The following PCDHA2 variants were observed in gnomAD, a reference collection of about 807,000 sequenced individuals.
PCDHA2 encodes the protein protocadherin alpha 2, also known as protocadherin alpha-2.
PCDHA2 carries 58 observed loss-of-function variants against 66.0 expected under a neutral mutation model. The ratio of observed to expected loss-of-function variants is 0.88; its 90% CI spans 0.71 to 1.09. The LOEUF (loss-of-function observed/expected upper bound fraction) is 1.09. Ranked by LOEUF, PCDHA2 falls within the 50% of genes least tolerant of loss-of-function variation. The pLI, the probability that PCDHA2 is intolerant of heterozygous loss-of-function variation, is 0.00. For synonymous variants in PCDHA2, 634 were observed against 554.0 expected (o/e 1.14, Z -2.03); for missense variants, 1,267 against 1,242.3 (o/e 1.02, Z -0.30).
chr5:140,983,924 A>G (rs1554245819), intron 3 of PCDHA2, among the ~76,000 whole-genome samples: 1 of 152,216 alleles, frequency 6.6e-6, no homozygotes, highest in African/African-American at 2.4e-5. Flanking sequence ...AGGATTTGCT[A>G]TTTATGGATG....
chr5:140,950,279 C>G (rs938821559), intron 1 of PCDHA2, among the ~76,000 whole-genome samples: 11 of 151,924 alleles, frequency 7.2e-5, no homozygotes, highest in African/African-American at 2.4e-4. Flanking sequence ...TGTCTTTTTG[C>G]TTCAACCTGA....
chr5:140,994,156 C>T (rs926993777), intron 3 of PCDHA2, among the ~76,000 whole-genome samples: 25 of 152,124 alleles, frequency 1.6e-4, no homozygotes, highest in African/African-American at 4.1e-4. Context: ...GTAGGGTCAA[C>T]GAAGGGGAAG....
At chr5:140,947,439 G>C (rs2094135272) in intron 1 of PCDHA2, among the ~76,000 whole-genome samples, 1 of 151,638 alleles carries the variant, frequency 6.6e-6, no homozygotes, top group African/African-American at 2.4e-5. Flanking sequence ...AAAATCAGCT[G>C]TGAAATCCTC....
chr5:140,826,596 G>T (rs1234934565), intron 1 of PCDHA2, among the ~76,000 whole-genome samples: 1 of 152,084 alleles, frequency 6.6e-6, no homozygotes, highest in Non-Finnish European at 1.5e-5. Context: ...TAACATTAAG[G>T]TTAAATTAAG....
intron 1 of PCDHA2, among the ~76,000 whole-genome samples, chr5:140,942,607 A>G (rs529680459): frequency 1.7e-5 from 2 of 116,438 alleles, no homozygotes; most frequent in East Asian, 2.5e-4. Context: ...TAGTGTTTAT[A>G]TTTGCCAATT....
intron 1 of PCDHA2, chr5:140,884,455 G>A: frequency 2.5e-6 from 4 of 1,613,784 alleles, no homozygotes; most frequent in Non-Finnish European, 3.4e-6. Flanking sequence ...CGCCCACCGA[G>A]GGCGCGTGCG....
At chr5:140,833,422 G>T (rs548825433) in intron 1 of PCDHA2, among the ~76,000 whole-genome samples, 4 of 152,178 alleles carry the variant, frequency 2.6e-5, no homozygotes, top group Admixed American at 2.0e-4. Context: ...CTGTATGTGA[G>T]ATGGCTGAGC....
chr5:140,878,802 A>T (rs2057733011), intron 1 of PCDHA2, among the ~76,000 whole-genome samples: 1 of 152,224 alleles, frequency 6.6e-6, no homozygotes, highest in Non-Finnish European at 1.5e-5. Context: ...TTTTAAAAAC[A>T]TATGGGGGTC....
At chr5:140,836,782 A>G in intron 1 of PCDHA2, 2 of 1,475,536 alleles carry the variant, frequency 1.4e-6, no homozygotes, top group South Asian at 1.3e-5. Flanking sequence ...TAAAACAATT[A>G]GTTCAATTGG....
At position 140,829,995 on chromosome 5, in the gene PCDHA2, G is replaced by C. The variant is rs1297305883; in HGVS notation, c.2388+32643G>C. On this transcript the variant is annotated intron_variant, in intron 1 of 3. Transcript: ENST00000526136. ...TACACGGGCGAGATCAGCACCACTCGTGTCCTGGACGAAGCGGACTCTCCG... is the reference window on the plus strand; with the variant it reads ...TACACGGGCGAGATCAGCACCACTCCTGTCCTGGACGAAGCGGACTCTCCG... 2 of 1,613,982 alleles carry C rather than the reference G, an allele frequency of 1.2e-6. No homozygotes were observed. The highest frequency in any genetic ancestry group is 3.3e-5 in the Admixed American group (2 of 60,034).
At chr5:140,958,759 A>G (rs1254935099) in intron 1 of PCDHA2, among the ~76,000 whole-genome samples, 2 of 152,112 alleles carry the variant, frequency 1.3e-5, no homozygotes, top group African/African-American at 4.8e-5. Flanking sequence ...ATTTTTACCC[A>G]TTTCTGTTTG....
intron 1 of PCDHA2, among the ~76,000 whole-genome samples, chr5:140,948,369 TG>T (rs1209104577): frequency 7.9e-5 from 12 of 151,580 alleles, no homozygotes; most frequent in Non-Finnish European, 3.0e-5. Context: ...ACTTAGGAGG[TG>T]TTCCTTCCTC....
chr5:140,951,840 C>T (rs555935634), intron 1 of PCDHA2, among the ~76,000 whole-genome samples: 2 of 152,190 alleles, frequency 1.3e-5, no homozygotes, highest in African/African-American at 4.8e-5. Flanking sequence ...AGCATTAAGC[C>T]AAAAGTCCAA....
intron 1 of PCDHA2, among the ~76,000 whole-genome samples, chr5:140,879,645 G>T (rs1392592069): frequency 2.0e-5 from 3 of 152,228 alleles, no homozygotes; most frequent in Non-Finnish European, 4.4e-5. Flanking sequence ...GCTTCCTGTG[G>T]CTGCTATAAC....
chr5:140,875,982 T>C (rs782696437), intron 1 of PCDHA2: 8 of 1,613,890 alleles, frequency 5.0e-6, no homozygotes, highest in Middle Eastern at 1.6e-4. Context: ...TTTTGACCTA[T>C]GCGTTAAGTC....
chr5:140,887,565 T>C (rs1214384060), intron 1 of PCDHA2, among the ~76,000 whole-genome samples: 2 of 152,180 alleles, frequency 1.3e-5, no homozygotes, highest in Admixed American at 1.3e-4. Context: ...TTAAAACTTT[T>C]CTTTTTATCC....
intron 1 of PCDHA2, chr5:140,842,743 C>G: frequency 6.3e-7 from 1 of 1,595,140 alleles, no homozygotes; most frequent in Non-Finnish European, 8.6e-7. Flanking sequence ...GCTGCCACAT[C>G]TTCACGGTGT....
Position 140,795,979 on chromosome 5 carries a change from A to G in PCDHA2, c.1015A>G (p.Lys339Glu), listed in dbSNP as rs1290254887. Residue 339 changes from lysine (K) to glutamate (E), a missense_variant, in exon 1 of 4, where the codon AAA (lysine) becomes GAA (glutamate). By Grantham distance (56) the Lys-to-Glu change is moderately conservative. Coordinates refer to ENST00000526136, the MANE Select transcript of PCDHA2 (RefSeq NM_018905.3). ...SMSGHCKISL[K>E]LVDINDNTPE... ...GTCAGGACATTGTAAAATTTCATTAAAACTTGTGGACATCAATGATAACAC... is the reference window on the plus strand; with the variant it reads ...GTCAGGACATTGTAAAATTTCATTAGAACTTGTGGACATCAATGATAACAC... 6.2e-7 allele frequency: 1 copy of G among 1,614,040 alleles called. No individual in the cohort carries two copies. The highest frequency in any genetic ancestry group is 1.3e-5 in the African/African-American group (1 of 74,912).
At chr5:140,903,625 A>T (rs2153481028) in intron 1 of PCDHA2, among the ~76,000 whole-genome samples, 1 of 152,362 alleles carries the variant, frequency 6.6e-6, no homozygotes, top group East Asian at 1.9e-4. Context: ...GTGCATGCAT[A>T]TGTATGCATA....
Sources: gnomAD v4.1 joint callset for allele counts (sites outside exome capture counted in the v4.1 genomes callset) on GRCh38, gnomAD v4.1.1 for gene constraint, MANE v1.5 for transcripts, NCBI Gene and HGNC (gene_info 2026-07-23, HGNC 2026-07-21) for gene names.